TPCN1: variants seen among roughly 807,000 people sequenced by gnomAD.
TPCN1 encodes the protein two pore segment channel 1.
TPCN1 carries 52 observed loss-of-function variants against 108.8 expected under a neutral mutation model. The ratio of observed to expected loss-of-function variants is 0.48; its 90% CI spans 0.38 to 0.60. The LOEUF is 0.60. Among genes scored for constraint, TPCN1 ranks in the 20% least tolerant of loss-of-function variants. TPCN1 has a pLI of 0.00. For synonymous variants in TPCN1, 446 were observed against 433.7 expected, an observed-to-expected ratio of 1.03 and a Z score of -0.35; for missense variants, 806 against 1,072.8, an observed-to-expected ratio of 0.75 and a Z score of 3.47.
At chr12:113,234,005 T>A (rs1415800246) in intron 2 of TPCN1, among the ~76,000 whole-genome samples, 1 of 152,220 alleles carries the variant, frequency 6.6e-6, no homozygotes, top group Non-Finnish European at 1.5e-5. Context: ...TTGGTTTCTA[T>A]CTTTATCCTT....
intron 2 of TPCN1, among the ~76,000 whole-genome samples, chr12:113,248,498 T>A (rs1489482746): frequency 6.6e-6 from 1 of 152,234 alleles, no homozygotes; most frequent in South Asian, 2.1e-4. Flanking sequence ...CGGAGTGATG[T>A]GGTCTCACCT....
chr12:113,244,326 T>C (rs1954264729), intron 2 of TPCN1: 1 of 985,508 alleles, frequency 1.0e-6, no homozygotes, highest in Non-Finnish European at 1.2e-6. Context: ...GCAATTCAAC[T>C]GGGAGGGCTC....
chr12:113,267,877 T>C lies in TPCN1; in HGVS notation c.449T>C (p.Val150Ala). The change falls in exon 5 of 28, where the codon GTG (valine) becomes GCG (alanine). Residue 150 changes from valine to alanine, a missense_variant. By Grantham distance (64) the Val-to-Ala change is moderately conservative. Transcript: ENST00000335509. ...HATLELFALM[V>A]VVFELCMKLR... Reference sequence around the variant, plus strand: ...ACCCTGGAGCTGTTTGCCCTGATGGTGGTAGTGTTTGAACTCTGCATGAAG... The same window carrying C: ...ACCCTGGAGCTGTTTGCCCTGATGGCGGTAGTGTTTGAACTCTGCATGAAG... The C allele has an allele frequency of 1.2e-6, 2 of 1,614,024 alleles. No homozygotes were observed. The highest frequency in any genetic ancestry group is 1.7e-6 in the Non-Finnish European group (2 of 1,179,978).
intron 13 of TPCN1, 119 bp downstream of exon 13, chr12:113,278,356 C>A: frequency 1.1e-6 from 1 of 923,186 alleles, no homozygotes; most frequent in Non-Finnish European, 1.8e-6. Flanking sequence ...CAGCCCCCAG[C>A]TTGGCATGGT....
Position 113,288,194 on chromosome 12 carries a change from G to A in TPCN1, c.1666G>A (p.Val556Met), listed in dbSNP as rs1485128086. ...TAAGTTGAAGGAGCGCTACCGCAAC[G>A]TGCTGGACACCATGTTCGAGCTGCT... ...LFKLKERYRN[V>M]LDTMFELLPR... is the part of the protein sequence containing the mutation. Residue 556 changes from valine to methionine, a missense_variant, in exon 20 of 28, where the codon GTG (valine) becomes ATG (methionine). Transcript: ENST00000335509. This position sits in a 1 kb window ranked among gnomAD's most constrained non-coding sequence, Gnocchi z 4.8. 1 of 1,613,944 alleles carries A rather than the reference G, an allele frequency of 6.2e-7. No individual in the cohort carries two copies. Among genetic ancestry groups the A allele is most frequent in the South Asian group, 1.1e-5 (1 of 91,076 alleles).
intron 15 of TPCN1, among the ~76,000 whole-genome samples, chr12:113,282,348 C>T (rs1955915591): frequency 6.6e-6 from 1 of 151,934 alleles, no homozygotes; most frequent in African/African-American, 2.4e-5. Context: ...CTGCCTCGGC[C>T]TCCCAAAGTG....
In TPCN1 at chr12:113,283,591, G is replaced by A. The variant is rs893953739; in HGVS notation, c.1343-990G>A. 4.6e-5 allele frequency among the ~76,000 whole-genome samples: 7 copies of A among 151,818 alleles called. No homozygotes were observed. The East Asian group carries it at 5.8e-4, about 13-fold the overall frequency. On this transcript the variant is annotated intron_variant, in intron 15 of 27. Coordinates refer to ENST00000335509, the MANE Select transcript of TPCN1 (RefSeq NM_017901.6). ...GGACGTTGCAGTGAGCCAAGATCAC[G>A]CCCCACTGCACTTCAGCCTGGGTAA...
chr12:113,273,478 G>A lies in TPCN1; in HGVS notation c.843-91G>A, dbSNP rs888889213. On this transcript the variant is annotated intron_variant, in intron 9 of 27. Transcript: ENST00000335509. The surrounding 1 kb of genome is among the most constrained non-coding windows in gnomAD (Gnocchi z 4.0). ...GGAACCAGGGTTGGAGGCTGGGAAGGCAGACAAGGAGCTGTCCTCTGCAAG... is the reference window on the plus strand; with the variant it reads ...GGAACCAGGGTTGGAGGCTGGGAAGACAGACAAGGAGCTGTCCTCTGCAAG... 3.8e-6 allele frequency: 5 copies of A among 1,309,454 alleles called. No homozygotes were observed. Among genetic ancestry groups the A allele is most frequent in the Admixed American group, 1.7e-5 (1 of 59,568 alleles). 81.1% of individuals were successfully genotyped at this position (1,309,454 alleles called of 1,614,324 possible). A position where few individuals can be genotyped will look rare whatever the true frequency, so the allele number is the denominator to read the frequency against.
At chr12:113,237,875 C>G (rs183400684) in intron 2 of TPCN1, among the ~76,000 whole-genome samples, 1 of 152,314 alleles carries the variant, frequency 6.6e-6, no homozygotes, top group East Asian at 1.9e-4. Flanking sequence ...CCACATATCT[C>G]CCACTTTGCC....
At chr12:113,258,344 T>C (rs926959237) in intron 2 of TPCN1, among the ~76,000 whole-genome samples, 1 of 152,140 alleles carries the variant, frequency 6.6e-6, no homozygotes, top group African/African-American at 2.4e-5. Context: ...TAGGCACCTG[T>C]AATCCCAGCT....
chr12:113,258,739 C>A (rs1316276121), intron 2 of TPCN1, among the ~76,000 whole-genome samples: 4 of 152,136 alleles, frequency 2.6e-5, no homozygotes, highest in African/African-American at 9.7e-5. Context: ...CATGCTTGTG[C>A]CGCTGTACTC....
intron 2 of TPCN1, among the ~76,000 whole-genome samples, chr12:113,253,747 G>T (rs1045444144): frequency 1.3e-5 from 2 of 152,288 alleles, no homozygotes; most frequent in Admixed American, 6.5e-5. Flanking sequence ...AGTCATAAAG[G>T]CTCACCTGAT....
At position 113,273,262 on chromosome 12, in the gene TPCN1, AGTCTGTTT is replaced by A; in HGVS notation, c.818_825del (p.Leu273ProfsTer50). The A allele has an allele frequency of 6.2e-7, 1 of 1,614,218 alleles. No homozygotes were observed. The highest frequency in any genetic ancestry group is 8.5e-7 in the Non-Finnish European group (1 of 1,180,032). On this transcript the variant is annotated frameshift_variant, in exon 9 of 28. Coordinates refer to ENST00000335509, the MANE Select transcript of TPCN1 (RefSeq NM_017901.6). LOFTEE classifies it high-confidence loss of function. This position sits in a 1 kb window ranked among gnomAD's most constrained non-coding sequence, Gnocchi z 4.0. ...CAGCACCCTGGAGAACAGCATCGTC[AGTCTGTTT>A]GTCCTTCTGACCACAGCCAAGTAAG...
chr12:113,257,774 G>A (rs1489941716), intron 2 of TPCN1, among the ~76,000 whole-genome samples: 1 of 152,108 alleles, frequency 6.6e-6, no homozygotes, highest in Non-Finnish European at 1.5e-5. Flanking sequence ...TCATCAACAG[G>A]TGAATGGATA....
chr12:113,283,939 G>A (rs1377071126), intron 15 of TPCN1, among the ~76,000 whole-genome samples: 1 of 152,214 alleles, frequency 6.6e-6, no homozygotes, highest in Non-Finnish European at 1.5e-5. Flanking sequence ...CTTTCAAAGT[G>A]CTGGGATTAC....
chr12:113,229,923 C>A (rs924684927), intron 2 of TPCN1, among the ~76,000 whole-genome samples: 1 of 152,212 alleles, frequency 6.6e-6, no homozygotes, highest in Admixed American at 6.5e-5. Context: ...CTTGCGTGTT[C>A]TAGTGCCTTC....
At chr12:113,261,236 A>G (rs929849662) in intron 3 of TPCN1, among the ~76,000 whole-genome samples, 1 of 152,146 alleles carries the variant, frequency 6.6e-6, no homozygotes, top group African/African-American at 2.4e-5. Flanking sequence ...CATGCTTATT[A>G]CAATAAATTT....
intron 2 of TPCN1, among the ~76,000 whole-genome samples, chr12:113,243,325 G>A (rs1404121821): frequency 2.6e-5 from 4 of 151,872 alleles, no homozygotes; most frequent in African/African-American, 7.3e-5. Context: ...AGCCAAGATC[G>A]TGCCATTGCA....
intron 1 of TPCN1, among the ~76,000 whole-genome samples, chr12:113,225,850 G>C (rs948248154): frequency 6.6e-6 from 1 of 151,790 alleles, no homozygotes; most frequent in Non-Finnish European, 1.5e-5. Context: ...CACTGTGCCC[G>C]GCCTAATTCT....
Sources: gnomAD v4.1 joint callset for allele counts (sites outside exome capture counted in the v4.1 genomes callset) on GRCh38, gnomAD v4.1.1 for gene constraint, Gnocchi (gnomAD v3.1) non-coding constraint, MANE v1.5 for transcripts, NCBI Gene and HGNC (gene_info 2026-07-23, HGNC 2026-07-21) for gene names.